The following ARHGAP15 variants were observed in gnomAD, a reference collection of about 807,000 sequenced individuals.
ARHGAP15 encodes the protein rho GTPase-activating protein 15.
A neutral mutation model predicts 63.7 loss-of-function variants in ARHGAP15; 51 were observed. The ratio of observed to expected loss-of-function variants is 0.80; its 90% CI spans 0.64 to 1.01. The LOEUF is 1.01. ARHGAP15 is among the 50% of genes least tolerant of loss of function. The pLI, the probability that ARHGAP15 is intolerant of heterozygous loss-of-function variation, is 0.00. For synonymous variants in ARHGAP15, 191 were observed against 193.8 expected (o/e 0.99, Z 0.12); for missense variants, 560 against 564.6 (o/e 0.99, Z 0.08).
At chr2:143,519,730 A>T (rs1260270101) in intron 10 of ARHGAP15, among the ~76,000 whole-genome samples, 1 of 152,194 alleles carries the variant, frequency 6.6e-6, no homozygotes, top group Non-Finnish European at 1.5e-5. Context: ...ATTTTTGGTA[A>T]GCCCCCAACA....
chr2:143,221,208 T>C (rs1692983638), intron 4 of ARHGAP15, among the ~76,000 whole-genome samples: 1 of 152,292 alleles, frequency 6.6e-6, no homozygotes, highest in African/African-American at 2.4e-5. Flanking sequence ...ATACCTTGTA[T>C]TGTCTTCTTA....
intron 13 of ARHGAP15, among the ~76,000 whole-genome samples, chr2:143,719,441 T>C (rs1684953213): frequency 6.6e-6 from 1 of 152,210 alleles, no homozygotes; most frequent in Admixed American, 6.5e-5. Flanking sequence ...TTCATAGCAA[T>C]CATTTCACAT....
chr2:143,216,175 T>G (rs1343988913), intron 3 of ARHGAP15, among the ~76,000 whole-genome samples: 3 of 152,220 alleles, frequency 2.0e-5, no homozygotes, highest in Non-Finnish European at 4.4e-5. Flanking sequence ...TCATTCACAT[T>G]CCTCTTCATA....
chr2:143,587,462 A>G (rs1697151800), intron 11 of ARHGAP15, among the ~76,000 whole-genome samples: 1 of 152,164 alleles, frequency 6.6e-6, no homozygotes, highest in Non-Finnish European at 1.5e-5. Context: ...GCTTTTCACT[A>G]GAAATAATCT....
At chr2:143,208,450 A>T (rs866003146) in intron 3 of ARHGAP15, among the ~76,000 whole-genome samples, 1 of 152,182 alleles carries the variant, frequency 6.6e-6, no homozygotes, top group South Asian at 2.1e-4. Flanking sequence ...GTTAAACAGA[A>T]CAAAGCATTT....
intron 8 of ARHGAP15, among the ~76,000 whole-genome samples, chr2:143,486,234 A>G (rs753484292): frequency 3.9e-5 from 6 of 152,098 alleles, no homozygotes; most frequent in East Asian, 3.8e-4. Flanking sequence ...TAAGATATAT[A>G]TCTTGTCTAC....
At chr2:143,166,372 G>A (rs1210715406) in intron 2 of ARHGAP15, among the ~76,000 whole-genome samples, 2 of 152,126 alleles carry the variant, frequency 1.3e-5, no homozygotes, top group African/African-American at 2.4e-5. Flanking sequence ...GTGGGAAATA[G>A]GAGAACACGT....
chr2:143,195,913 T>C (rs1691869434), intron 2 of ARHGAP15, among the ~76,000 whole-genome samples: 1 of 152,152 alleles, frequency 6.6e-6, no homozygotes, highest in Non-Finnish European at 1.5e-5. Flanking sequence ...AATTCTGTTA[T>C]TTTTACAGTA....
intron 6 of ARHGAP15, among the ~76,000 whole-genome samples, chr2:143,258,442 C>T (rs1250916030): frequency 6.6e-6 from 1 of 152,008 alleles, no homozygotes; most frequent in Non-Finnish European, 1.5e-5. Context: ...AAGGAAAATG[C>T]CCACACTTAT....
intron 8 of ARHGAP15, among the ~76,000 whole-genome samples, chr2:143,449,290 C>G (rs1327901562): frequency 6.6e-6 from 1 of 152,016 alleles, no homozygotes; most frequent in Non-Finnish European, 1.5e-5. Flanking sequence ...CAAGCAATTC[C>G]CTGGAAATTA....
intron 10 of ARHGAP15, among the ~76,000 whole-genome samples, chr2:143,539,487 G>T (rs1201645706): frequency 6.6e-6 from 1 of 152,000 alleles, no homozygotes; most frequent in Non-Finnish European, 1.5e-5. Context: ...GTCAATTTTA[G>T]ATCTTTCCTG....
At chr2:143,368,516 T>C (rs996159487) in intron 6 of ARHGAP15, among the ~76,000 whole-genome samples, 5 of 151,938 alleles carry the variant, frequency 3.3e-5, no homozygotes, top group African/African-American at 1.2e-4. Flanking sequence ...AGCAAAGAAG[T>C]GACATGATCA....
intron 6 of ARHGAP15, among the ~76,000 whole-genome samples, chr2:143,289,006 C>T (rs147213332): frequency 1.3e-5 from 2 of 151,988 alleles, no homozygotes; most frequent in Non-Finnish European, 2.9e-5. Flanking sequence ...CTGTCACCAC[C>T]GACAGTAAGG....
At chr2:143,697,189 G>A (rs1019345636) in intron 12 of ARHGAP15, among the ~76,000 whole-genome samples, 3 of 152,054 alleles carry the variant, frequency 2.0e-5, no homozygotes, top group Non-Finnish European at 2.9e-5. Context: ...TATTTACAAA[G>A]CTACAACATA....
intron 6 of ARHGAP15, among the ~76,000 whole-genome samples, chr2:143,384,301 A>C (rs1687177040): frequency 6.6e-6 from 1 of 152,070 alleles, no homozygotes; most frequent in South Asian, 2.1e-4. Context: ...CCTTTTTGCA[A>C]GATTGGTCCA....
intron 6 of ARHGAP15, among the ~76,000 whole-genome samples, chr2:143,317,126 T>C (rs1683757472): frequency 6.6e-6 from 1 of 152,176 alleles, no homozygotes; most frequent in African/African-American, 2.4e-5. Flanking sequence ...TTGTGTCATA[T>C]TATTAAATAG....
chr2:143,209,557 T>TAAAAAAA (rs3070816), intron 3 of ARHGAP15, among the ~76,000 whole-genome samples: 3 of 148,372 alleles, frequency 2.0e-5, no homozygotes, highest in Admixed American at 6.7e-5. Context: ...TGTGCTATGA[T>TAAAAAAA]AAAAAAAAAA....
chr2:143,213,476 G>C (rs959856726), intron 3 of ARHGAP15, among the ~76,000 whole-genome samples: 1 of 152,084 alleles, frequency 6.6e-6, no homozygotes, highest in Non-Finnish European at 1.5e-5. Context: ...TTGCGCCATT[G>C]CACTCCAGCC....
intron 2 of ARHGAP15, among the ~76,000 whole-genome samples, chr2:143,179,791 C>T (rs996350565): frequency 6.6e-6 from 1 of 151,264 alleles, no homozygotes; most frequent in East Asian, 1.9e-4. Flanking sequence ...ACTTGGGAGG[C>T]TGAGGTGGGA....
Sources: gnomAD v4.1 joint callset for allele counts (sites outside exome capture counted in the v4.1 genomes callset) on GRCh38, gnomAD v4.1.1 for gene constraint, MANE v1.5 for transcripts, NCBI Gene and HGNC (gene_info 2026-07-23, HGNC 2026-07-21) for gene names.